Variants in FRMD4B observed in about 807,000 individuals in gnomAD.
FRMD4B encodes the protein FERM domain containing 4B.
In FRMD4B, 74 loss-of-function variants were observed where a neutral mutation model predicts 141.5. That is an observed-to-expected ratio of 0.52 (90% confidence interval 0.43 to 0.63). The LOEUF (loss-of-function observed/expected upper bound fraction) is 0.63. FRMD4B is among the 30% of genes least tolerant of loss of function. The pLI is 0.00. For synonymous variants in FRMD4B, 506 were observed against 467.9 expected, an observed-to-expected ratio of 1.08 and a Z score of -1.05; for missense variants, 1,366 against 1,253.4, an observed-to-expected ratio of 1.09 and a Z score of -1.36.
At chr3:69,356,475 G>A (rs1410135682) in intron 1 of FRMD4B, among the ~76,000 whole-genome samples, 1 of 151,842 alleles carries the variant, frequency 6.6e-6, no homozygotes, top group African/African-American at 2.4e-5. Flanking sequence ...TTCAGTTTGG[G>A]GACTCGGACT....
chr3:69,538,445 C>A (rs1281391840), intron 1 of FRMD4B, among the ~76,000 whole-genome samples: 1 of 152,098 alleles, frequency 6.6e-6, no homozygotes, highest in Non-Finnish European at 1.5e-5. Flanking sequence ...GGCTAAGAAT[C>A]ACATTTTATA....
intron 9 of FRMD4B, 38 bp downstream of exon 9, chr3:69,221,820 T>C (rs374085747): frequency 8.0e-6 from 8 of 995,896 alleles, no homozygotes; most frequent in Non-Finnish European, 9.5e-6. Context: ...AGATGAGAGA[T>C]ATTAAAATTA....
chr3:69,281,616 G>A (rs969109608), intron 5 of FRMD4B, among the ~76,000 whole-genome samples: 3 of 151,942 alleles, frequency 2.0e-5, no homozygotes, highest in African/African-American at 7.3e-5. Context: ...ACCAGGTCAG[G>A]AGTTCGAGAC....
chr3:69,234,608 A>G (rs2106646292), intron 7 of FRMD4B, among the ~76,000 whole-genome samples: 1 of 152,356 alleles, frequency 6.6e-6, no homozygotes, highest in South Asian at 2.1e-4. Context: ...AATTTCTAAT[A>G]GTAAGTTTCT....
In FRMD4B at chr3:69,316,363, A is replaced by G. The variant is rs183202668; in HGVS notation, c.163-2846T>C. ...GGCTTTTTACATGTATTATCTCAGT[A>G]AAGCTCTGCAAAAGTTTACAACATG... On this transcript the variant is annotated intron_variant, in intron 1 of 22. Transcript: ENST00000398540. Among the ~76,000 whole-genome samples the G allele has an allele frequency of 4.7e-4, 71 of 152,306 alleles. 1 individual carries two copies. The highest frequency in any genetic ancestry group is 6.8e-3 in the Middle Eastern group (2 of 294).
chr3:69,391,291 C>T (rs1001560121), intron 2 of FRMD4B, among the ~76,000 whole-genome samples: 15 of 151,376 alleles, frequency 9.9e-5, no homozygotes, highest in Non-Finnish European at 1.9e-4. Context: ...GGTACACGTG[C>T]ACAATGTGCA....
chr3:69,396,491 T>A (rs1167917397), intron 2 of FRMD4B, among the ~76,000 whole-genome samples: 3 of 150,492 alleles, frequency 2.0e-5, no homozygotes, highest in African/African-American at 7.4e-5. Flanking sequence ...GGTGACAGAG[T>A]GAGACTCTGT....
chr3:69,206,614 T>A (rs919845614), intron 11 of FRMD4B, among the ~76,000 whole-genome samples: 1 of 152,250 alleles, frequency 6.6e-6, no homozygotes, highest in Non-Finnish European at 1.5e-5. Flanking sequence ...AGGGCTGAGC[T>A]ACTGCTCTGG....
chr3:69,436,159 C>T (rs1705256271), intron 1 of FRMD4B, among the ~76,000 whole-genome samples: 1 of 152,102 alleles, frequency 6.6e-6, no homozygotes. Context: ...CAGAGAGTTC[C>T]CCTCCCTCAC....
At chr3:69,410,736 T>A (rs1385262983) in intron 2 of FRMD4B, among the ~76,000 whole-genome samples, 444 of 12,340 alleles carry the variant, frequency 0.036, 10 homozygotes, top group African/African-American at 0.15. Flanking sequence ...AATATATATA[T>A]ATATATATAT....
chr3:69,531,255 A>T (rs563658960), intron 1 of FRMD4B, among the ~76,000 whole-genome samples: 1 of 152,280 alleles, frequency 6.6e-6, no homozygotes, highest in East Asian at 1.9e-4. Context: ...AAGAATATGG[A>T]TCTGTGACTA....
chr3:69,260,995 G>A (rs1232298694), intron 5 of FRMD4B, among the ~76,000 whole-genome samples: 1 of 152,214 alleles, frequency 6.6e-6, no homozygotes, highest in Non-Finnish European at 1.5e-5. Flanking sequence ...TTAGCTCTCT[G>A]TAAAATGGGC....
chr3:69,462,314 T>C (rs1461831346), intron 1 of FRMD4B, among the ~76,000 whole-genome samples: 1 of 152,214 alleles, frequency 6.6e-6, no homozygotes, highest in Non-Finnish European at 1.5e-5. Context: ...GTTTTACTCC[T>C]CATTGGTTGA....
Position 69,313,477 on chromosome 3 carries a change from T to C in FRMD4B, c.203A>G (p.Asp68Gly), listed in dbSNP as rs1701675811. 1.9e-6 allele frequency: 3 copies of C among 1,572,792 alleles called. No individual in the cohort carries two copies. Among genetic ancestry groups the C allele is most frequent in the South Asian group, 2.3e-5 (2 of 85,360 alleles). Residue 68 changes from aspartate (D) to glycine (G), a missense_variant, in exon 2 of 23, where the codon GAT becomes GGT. Asp to Gly is a moderately conservative substitution (Grantham distance 94). Transcript: ENST00000398540. ...CTGAACCAGCAGCTCCAGTCTCCTA[T>C]CATCCAGGAGGTGCACCTGGCAGTG... The part of the protein sequence containing the change: ...GRHCQVHLLD[D>G]RRLELLVQPK...
intron 10 of FRMD4B, among the ~76,000 whole-genome samples, chr3:69,217,991 A>G (rs2093157770): frequency 6.6e-6 from 1 of 152,186 alleles, no homozygotes; most frequent in African/African-American, 2.4e-5. Context: ...TCAGAATTTT[A>G]TGAAGCTGTT....
At chr3:69,533,648 C>CA (rs1258337111) in intron 1 of FRMD4B, among the ~76,000 whole-genome samples, 1 of 152,142 alleles carries the variant, frequency 6.6e-6, no homozygotes, top group Non-Finnish European at 1.5e-5. Context: ...CTGAAATCTC[C>CA]ACTTTGGCCT....
Position 69,215,284 on chromosome 3 carries a change from C to CTTTTTTTTTTTTT in FRMD4B, c.876+966_876+978dup, listed in dbSNP as rs577275162. On this transcript the variant is annotated intron_variant, in intron 11 of 22. Coordinates refer to ENST00000398540, the MANE Select transcript of FRMD4B (RefSeq NM_015123.3). Reference sequence around the variant, plus strand: ...TCCAAATCTGATAGATTGTGACCCTCTTTTTTTTTTTTTTTTTTTTTTTTT... The same window carrying CTTTTTTTTTTTTT: ...TCCAAATCTGATAGATTGTGACCCTCTTTTTTTTTTTTTTTTTTTTTTTTTTTTTTTTTTTTTT... Among the ~76,000 whole-genome samples the CTTTTTTTTTTTTT allele has an allele frequency of 3.9e-3, 177 of 45,226 alleles. 62 individuals carry two copies. Among genetic ancestry groups the CTTTTTTTTTTTTT allele is most frequent in the African/African-American group, 6.2e-3 (86 of 13,882 alleles). 29.7% of individuals were successfully genotyped at this position (45,226 alleles called of 152,430 possible).
upstream of FRMD4B, among the ~76,000 whole-genome samples, chr3:69,389,120 G>A (rs528387825): frequency 3.5e-5 from 5 of 144,590 alleles, no homozygotes; most frequent in Non-Finnish European, 6.0e-5. Flanking sequence ...TGCAACCTCC[G>A]CCTCCCGGGT....
rs74521941 is a variant in FRMD4B at position 69,299,508 on chromosome 3, C to G, written c.416+2835G>C. On this transcript the variant is annotated intron_variant, in intron 4 of 22. Coordinates refer to ENST00000398540, the MANE Select transcript of FRMD4B (RefSeq NM_015123.3). ...TCCCTCCATGGCATTATATCAGAAT[C>G]TGGGCCAGGAACGTGGAGTTGGAGG... 6.1e-3 allele frequency among the ~76,000 whole-genome samples: 934 copies of G among 152,208 alleles called. 9 individuals carry two copies. The highest frequency in any genetic ancestry group is 0.022 in the African/African-American group (897 of 41,520).
Sources: gnomAD v4.1 joint callset for allele counts (sites outside exome capture counted in the v4.1 genomes callset) on GRCh38, gnomAD v4.1.1 for gene constraint, MANE v1.5 for transcripts, NCBI Gene and HGNC (gene_info 2026-07-23, HGNC 2026-07-21) for gene names.